CPSF6: variants seen among roughly 807,000 people sequenced by gnomAD.
CPSF6 encodes the protein cleavage and polyadenylation specific factor 6, also known as cleavage and polyadenylation specificity factor subunit 6.
A neutral mutation model predicts 56.7 loss-of-function variants in CPSF6; 10 were observed. The ratio of observed to expected loss-of-function variants is 0.18; its 90% CI spans 0.11 to 0.30. The LOEUF (loss-of-function observed/expected upper bound fraction) is 0.30, where lower values mean the gene tolerates loss of function less well. Among genes scored for constraint, CPSF6 ranks in the 10% least tolerant of loss-of-function variants. The pLI, the probability that CPSF6 is intolerant of heterozygous loss-of-function variation, is 1.00. For synonymous variants in CPSF6, 248 were observed against 244.8 expected (o/e 1.01, Z -0.12); for missense variants, 419 against 722.9 (o/e 0.58, Z 4.82).
intron 3 of CPSF6, among the ~76,000 whole-genome samples, chr12:69,255,829 A>G (rs1453428793): frequency 2.0e-5 from 3 of 152,050 alleles, no homozygotes. Flanking sequence ...GAGCCACTGC[A>G]CCCGGCCTCT....
intron 9 of CPSF6, among the ~76,000 whole-genome samples, chr12:69,262,786 T>A (rs1409113166): frequency 6.6e-6 from 1 of 152,148 alleles, no homozygotes; most frequent in African/African-American, 2.4e-5. Context: ...CACTTTCAGG[T>A]TTCAAATAGT....
rs1472098288 is a variant in CPSF6 at position 69,253,174 on chromosome 12, C to G, written c.374+20C>G. 7.7e-7 allele frequency: 1 copy of G among 1,296,582 alleles called. No homozygotes were observed. The highest frequency in any genetic ancestry group is 1.1e-6 in the Non-Finnish European group (1 of 920,846). 80.3% of individuals were successfully genotyped at this position (1,296,582 alleles called of 1,614,324 possible). On this transcript the variant is annotated intron_variant, in intron 3 of 9. Coordinates refer to ENST00000435070, the MANE Select transcript of CPSF6 (RefSeq NM_007007.3). Reference sequence around the variant, plus strand: ...AAAGGGGTAAGTTTTTTTTTTCTTTCTTTTTGATTTAGTAGCTAGTGATAC... The same window carrying G: ...AAAGGGGTAAGTTTTTTTTTTCTTTGTTTTTGATTTAGTAGCTAGTGATAC...
chr12:69,256,071 T>A (rs1330204055), intron 3 of CPSF6, among the ~76,000 whole-genome samples: 1 of 152,264 alleles, frequency 6.6e-6, no homozygotes, highest in Non-Finnish European at 1.5e-5. Flanking sequence ...TGATGCATGC[T>A]GTAACAGTGG....
intron 1 of CPSF6, 72 bp from the exon 2 acceptor site, chr12:69,251,057 A>C: frequency 1.4e-6 from 2 of 1,430,080 alleles, no homozygotes; most frequent in South Asian, 2.7e-5. Context: ...CAAAAAGTTG[A>C]ATTTGTATTC....
intron 1 of CPSF6, among the ~76,000 whole-genome samples, chr12:69,244,355 C>G (rs1175112025): frequency 6.6e-6 from 1 of 152,000 alleles, no homozygotes; most frequent in Non-Finnish European, 1.5e-5. Flanking sequence ...CCTGCCTCAG[C>G]TGGGATTACA....
chr12:69,266,228 C>T (rs745995103), intron 9 of CPSF6, among the ~76,000 whole-genome samples: 5 of 152,150 alleles, frequency 3.3e-5, no homozygotes, highest in Middle Eastern at 3.2e-3. Context: ...GCTCCCAGCC[C>T]TGTTTCCTTG....
rs941005265 is a variant in CPSF6 at position 69,271,104 on chromosome 12, G to C, written c.*1596G>C. ...CACTTCTGACAAAATTAGCTGTTTT[G>C]AATTACCCATATCACTGCCAGTTTT... On this transcript the variant is annotated 3_prime_UTR_variant, in exon 10 of 10. Coordinates refer to ENST00000435070, the MANE Select transcript of CPSF6 (RefSeq NM_007007.3). 6.6e-6 allele frequency: 1 copy of C among 152,092 alleles called. No individual in the cohort carries two copies. Among genetic ancestry groups the C allele is most frequent in the East Asian group, 1.9e-4 (1 of 5,198 alleles). The allele number at this position is 152,092 out of a possible 1,614,324, so 9.4% of individuals were successfully genotyped here.
chr12:69,265,598 C>CTTTTTTTTTTTTTT (rs56097101), intron 9 of CPSF6, among the ~76,000 whole-genome samples: 1 of 99,796 alleles, frequency 1.0e-5, no homozygotes, highest in Non-Finnish European at 2.0e-5. Context: ...TATCTGATTA[C>CTTTTTTTTTTTTTT]TTTTTTTTTT....
Position 69,251,219 on chromosome 12 carries a change from G to A in CPSF6, c.151G>A (p.Asp51Asn). 5.6e-6 allele frequency: 9 copies of A among 1,613,262 alleles called. No homozygotes were observed. The highest frequency in any genetic ancestry group is 7.6e-6 in the Non-Finnish European group (9 of 1,179,884). ...ANNGDAPEDR[D>N]YMDTLPPTVG... is the part of the protein sequence containing the mutation. ...TAATGGAGATGCCCCAGAAGACCGAGATTACATGGATACTCTCCCACCAAC... is the reference window on the plus strand; with the variant it reads ...TAATGGAGATGCCCCAGAAGACCGAAATTACATGGATACTCTCCCACCAAC... Residue 51 changes from aspartate to asparagine, a missense_variant, in exon 2 of 10, where the codon GAT becomes AAT. Around this residue, in one of 4 missense-constraint regions of CPSF6, gnomAD observed 125 missense variants for 216.4 expected, o/e 0.58. Coordinates refer to ENST00000435070, the MANE Select transcript of CPSF6 (RefSeq NM_007007.3).
intron 1 of CPSF6, among the ~76,000 whole-genome samples, chr12:69,250,057 G>A (rs1872148515): frequency 1.3e-5 from 2 of 151,964 alleles, no homozygotes; most frequent in African/African-American, 4.8e-5. Flanking sequence ...AATTAATTTG[G>A]ATTGTTCTAC....
chr12:69,239,787 G>GCTGCGGCCGGGA, intron 1 of CPSF6, 81 bp downstream of exon 1: 2 of 1,373,070 alleles, frequency 1.5e-6, no homozygotes, highest in Non-Finnish European at 1.9e-6. Context: ...CTGCGGCCGC[G>GCTGCGGCCGGGA]AGCCGAAGCG....
chr12:69,246,055 C>A (rs534787127), intron 1 of CPSF6, among the ~76,000 whole-genome samples: 24 of 152,248 alleles, frequency 1.6e-4, no homozygotes, highest in African/African-American at 5.3e-4. Context: ...CCACTGTACT[C>A]CAGCCTGAGT....
chr12:69,268,117 C>G (rs1873080216), intron 9 of CPSF6, among the ~76,000 whole-genome samples: 1 of 151,724 alleles, frequency 6.6e-6, no homozygotes, highest in Admixed American at 6.6e-5. Context: ...TGCCTTGTCT[C>G]TCTCTAATAC....
chr12:69,257,176 G>C (rs1272173135), intron 4 of CPSF6, among the ~76,000 whole-genome samples: 2 of 152,214 alleles, frequency 1.3e-5, no homozygotes, highest in Admixed American at 1.3e-4. Flanking sequence ...CTATGTGGAT[G>C]TGTATTATGG....
intron 1 of CPSF6, among the ~76,000 whole-genome samples, chr12:69,244,499 C>T (rs1026781745): frequency 6.6e-6 from 1 of 152,224 alleles, no homozygotes; most frequent in East Asian, 1.9e-4. Flanking sequence ...GCTGGGATTA[C>T]AGGCATGAGT....
At chr12:69,261,217 G>A (rs1421075919) in intron 8 of CPSF6, among the ~76,000 whole-genome samples, 4 of 151,900 alleles carry the variant, frequency 2.6e-5, no homozygotes, top group African/African-American at 9.7e-5. Flanking sequence ...TTTTTGACCC[G>A]GTGTAAGAAT....
chr12:69,239,636 G>A lies in CPSF6; in HGVS notation c.-11G>A, dbSNP rs200448686. The A allele has an allele frequency of 2.5e-4, 397 of 1,571,912 alleles. 2 individuals are homozygous for A. The highest frequency in any genetic ancestry group is 1.9e-3 in the Middle Eastern group (11 of 5,920). On this transcript the variant is annotated 5_prime_UTR_variant, in exon 1 of 10. Coordinates refer to ENST00000435070, the MANE Select transcript of CPSF6 (RefSeq NM_007007.3). The stretch of plus-strand genomic sequence containing the variant: ...GGCGGCGGCGGCGGCGGCGGCCGAG[G>A]CTGAAGGAAGATGGCGGACGGCGTG...
At chr12:69,240,829 G>T (rs947550535) in intron 1 of CPSF6, among the ~76,000 whole-genome samples, 1 of 152,104 alleles carries the variant, frequency 6.6e-6, no homozygotes, top group Non-Finnish European at 1.5e-5. Context: ...GATGTCGTTT[G>T]TTGCTAGTGA....
chr12:69,249,151 TCGGGGGG>T (rs1370413306), intron 1 of CPSF6, among the ~76,000 whole-genome samples: 1 of 21,378 alleles, frequency 4.7e-5, no homozygotes, highest in African/African-American at 4.7e-4. Context: ...TCCCAGCTAC[TCGGGGGG>T]GGGGGGGGGG....
Sources: gnomAD v4.1 joint callset for allele counts (sites outside exome capture counted in the v4.1 genomes callset) on GRCh38, gnomAD v4.1.1 for gene constraint, gnomAD v4.1.1 regional missense constraint, MANE v1.5 for transcripts, NCBI Gene and HGNC (gene_info 2026-07-23, HGNC 2026-07-21) for gene names.